Variants in SLC39A14 observed in about 807,000 individuals in gnomAD.
The protein encoded by SLC39A14 is metal cation symporter ZIP14.
In SLC39A14, 19 loss-of-function variants were observed where a neutral mutation model predicts 45.5. The observed-to-expected ratio is 0.42, with a 90% CI of 0.29 to 0.61. SLC39A14 has a LOEUF of 0.61. SLC39A14 is among the 20% of genes least tolerant of loss of function. The probability of loss-of-function intolerance (pLI) is 0.22; values close to 1 mark genes in which losing one functional copy is unlikely to be tolerated. For missense variants in SLC39A14, 447 were observed against 616.5 expected (o/e 0.73, Z 2.91); for synonymous variants, 264 against 251.3 (o/e 1.05, Z -0.48).
In SLC39A14 at chr8:22,421,362, A is replaced by G; in HGVS notation, c.*1664A>G. 1.0e-5 allele frequency: 10 copies of G among 985,902 alleles called. No homozygotes were observed. Among genetic ancestry groups the G allele is most frequent in the Non-Finnish European group, 1.2e-5 (10 of 829,948 alleles). 61.1% of individuals were successfully genotyped at this position (985,902 alleles called of 1,614,324 possible). A position where few individuals can be genotyped will look rare whatever the true frequency, so the allele number is the denominator to read the frequency against. On this transcript the variant is annotated 3_prime_UTR_variant, in exon 9 of 9. Coordinates refer to ENST00000381237, the MANE Select transcript of SLC39A14 (RefSeq NM_001128431.4). ...ATTCTTGAAAAGAACGTGAGCAGGA[A>G]AAACTGCTGGTGATACTTTTTTTAA...
chr8:22,368,597 C>CTT (rs1832770500), intron 1 of SLC39A14, among the ~76,000 whole-genome samples: 1 of 151,926 alleles, frequency 6.6e-6, no homozygotes, highest in African/African-American at 2.4e-5. Context: ...AGTGCAGTGG[C>CTT]GCGATCTCGG....
intron 1 of SLC39A14, among the ~76,000 whole-genome samples, chr8:22,383,672 A>C (rs1468872568): frequency 2.0e-5 from 3 of 152,104 alleles, no homozygotes. Context: ...CCCTACCAGG[A>C]AACAGAGATG....
intron 1 of SLC39A14, among the ~76,000 whole-genome samples, chr8:22,375,729 C>G (rs1334155975): frequency 6.6e-6 from 1 of 152,196 alleles, no homozygotes; most frequent in Non-Finnish European, 1.5e-5. Context: ...CTCAGGTGAT[C>G]TACCCGCCTT....
rs180714260 is a variant in SLC39A14, at chr8:22,431,649, A to G, written c.1333-2242A>G. 3.3e-5 allele frequency among the ~76,000 whole-genome samples: 5 copies of G among 152,358 alleles called. No individual in the cohort carries two copies. In the East Asian group the frequency reaches 9.6e-4, roughly 29 times the overall value. The stretch of plus-strand genomic sequence containing the variant: ...AAGAAGGAAACCCAGATTTGAAGAA[A>G]TGTGTAGAAATGATAGTTAAACATG... On this transcript the variant is annotated intron_variant, in intron 8 of 8. Coordinates refer to the SLC39A14 transcript ENST00000240095.
At chr8:22,423,497 A>G (rs1054468226), downstream of SLC39A14, among the ~76,000 whole-genome samples, 9 of 151,776 alleles carry the variant, frequency 5.9e-5, no homozygotes, top group South Asian at 2.1e-4. Flanking sequence ...CACCACGCCC[A>G]GCTAATTTTT....
In SLC39A14 at chr8:22,404,462, GT is replaced by G. The variant is rs61222646; in HGVS notation, c.-15-221del. 59,337 of 219,734 alleles carry G rather than the reference GT, an allele frequency of 0.27. 6,143 individuals are homozygous for G. Among genetic ancestry groups the G allele is most frequent in the East Asian group, 0.46 (5,208 of 11,356 alleles). The allele number at this position is 219,734 out of a possible 1,614,324, so 13.6% of individuals were successfully genotyped here. ...AAAAATCATAACCGCATTGCTGTTT[GT>G]TTTTTTTTTTTTCATTTTTCAATCT... On this transcript the variant is annotated intron_variant, in intron 1 of 8. Transcript: ENST00000381237.
intron 8 of SLC39A14, 74 bp from the exon 9 acceptor site, chr8:22,419,478 C>G (rs1836095911): frequency 7.0e-7 from 1 of 1,424,982 alleles, no homozygotes; most frequent in African/African-American, 1.4e-5. Context: ...ATCTATATCT[C>G]CATCACTGAA....
chr8:22,412,061 T>G lies in SLC39A14; in HGVS notation c.482T>G (p.Val161Gly). Residue 161 changes from valine (V) to glycine (G), a missense_variant, in exon 4 of 9, where the codon GTG becomes GGG. Physicochemically the swap from Val to Gly is moderately radical, Grantham distance 109. This residue lies in a region of SLC39A14 where 342 missense variants were observed against 428.1 expected (regional missense o/e 0.80). Transcript: ENST00000381237. ...VEVWGYGLLC[V>G]TVISLCSLLG... The stretch of plus-strand genomic sequence containing the variant: ...GTGTGGGGATACGGTCTCCTCTGTG[T>G]GACCGTCATCTCCCTCTGCTCCCTC... 6.4e-7 allele frequency: 1 copy of G among 1,551,532 alleles called. No homozygotes were observed. The highest frequency in any genetic ancestry group is 1.2e-5 in the South Asian group (1 of 84,064).
chr8:22,396,268 G>A (rs1397360505), intron 1 of SLC39A14, among the ~76,000 whole-genome samples: 2 of 151,446 alleles, frequency 1.3e-5, no homozygotes, highest in Non-Finnish European at 2.9e-5. Flanking sequence ...TCAGGAGGCC[G>A]AGGCAGGAGA....
intron 1 of SLC39A14, 138 bp from the exon 2 acceptor site, chr8:22,404,558 A>T (rs1249802419): frequency 1.4e-6 from 1 of 731,364 alleles, no homozygotes; most frequent in Non-Finnish European, 2.2e-6. Flanking sequence ...GGTTTTTCTC[A>T]AAGGCTAATT....
At chr8:22,419,505 A>C (rs200275913) in intron 8 of SLC39A14, 47 bp from the exon 9 acceptor site, 158 of 1,563,138 alleles carry the variant, frequency 1.0e-4, no homozygotes, top group Non-Finnish European at 1.3e-4. Context: ...TGGACTTACA[A>C]GATGAAGAAG....
chr8:22,381,329 C>T (rs1170897309), intron 1 of SLC39A14, among the ~76,000 whole-genome samples: 2 of 150,540 alleles, frequency 1.3e-5, no homozygotes, highest in Admixed American at 6.6e-5. Context: ...GACTGGAGTG[C>T]GGTGGGGCTA....
intron 1 of SLC39A14, among the ~76,000 whole-genome samples, chr8:22,397,793 C>A (rs1019965360): frequency 6.6e-6 from 1 of 152,116 alleles, no homozygotes; most frequent in South Asian, 2.1e-4. Context: ...TCAGGCTCAG[C>A]GGTCACAGCC....
intron 3 of SLC39A14, among the ~76,000 whole-genome samples, chr8:22,410,879 C>T (rs1303689267): frequency 2.0e-5 from 3 of 152,202 alleles, no homozygotes; most frequent in Non-Finnish European, 2.9e-5. Context: ...GGTGAGGATA[C>T]GCAGACGTGT....
At position 22,371,414 on chromosome 8, in the gene SLC39A14, C is replaced by CTTTTTTT. The variant is rs373230777; in HGVS notation, c.-16+4037_-16+4043dup. 1.8e-3 allele frequency among the ~76,000 whole-genome samples: 220 copies of CTTTTTTT among 120,074 alleles called. 50 individuals carry two copies. The highest frequency in any genetic ancestry group is 4.9e-3 in the Middle Eastern group (1 of 204). 78.8% of individuals were successfully genotyped at this position (120,074 alleles called of 152,430 possible). On this transcript the variant is annotated intron_variant, in intron 1 of 8. Coordinates refer to ENST00000381237, the MANE Select transcript of SLC39A14 (RefSeq NM_001128431.4). ...GGATATCTAAAAAAAAAATACATGTCTTTTTTTTTTTTTTTTTTTTTTTTT... is the reference window on the plus strand; with the variant it reads ...GGATATCTAAAAAAAAAATACATGTCTTTTTTTTTTTTTTTTTTTTTTTTTTTTTTTT...
chr8:22,371,621 C>T (rs1177557926), intron 1 of SLC39A14, among the ~76,000 whole-genome samples: 2 of 151,412 alleles, frequency 1.3e-5, no homozygotes, highest in Non-Finnish European at 2.9e-5. Context: ...TTAGTAGAGA[C>T]GGGGTTTCAC....
In SLC39A14 at chr8:22,422,315, T is replaced by C. The variant is rs1379730005; in HGVS notation, c.*2617T>C. 1 of 985,782 alleles carries C rather than the reference T, an allele frequency of 1.0e-6. No individual in the cohort carries two copies. The highest frequency in any genetic ancestry group is 1.7e-5 in the African/African-American group (1 of 57,372). The allele number at this position is 985,782 out of a possible 1,614,324, so 61.1% of individuals were successfully genotyped here. On this transcript the variant is annotated 3_prime_UTR_variant, in exon 9 of 9. Coordinates refer to ENST00000381237, the MANE Select transcript of SLC39A14 (RefSeq NM_001128431.4). ...ACCACCGGCACACAGCTTGCCCCTG[T>C]CTTTGCCCCCAAAGGTATTTTGTGT...
intron 1 of SLC39A14, among the ~76,000 whole-genome samples, chr8:22,402,882 A>G (rs1187355517): frequency 6.6e-6 from 1 of 152,118 alleles, no homozygotes; most frequent in Non-Finnish European, 1.5e-5. Context: ...TTTGTTTACT[A>G]ATTTGTACAG....
Position 22,408,350 on chromosome 8 carries a change from G to T in SLC39A14, c.311G>T (p.Ser104Ile). 6.2e-7 allele frequency: 1 copy of T among 1,614,220 alleles called. No homozygotes were observed. The highest frequency in any genetic ancestry group is 8.5e-7 in the Non-Finnish European group (1 of 1,180,042). Residue 104 changes from serine to isoleucine, a missense_variant, in exon 3 of 9, where the codon AGC (serine) becomes ATC (isoleucine). Around this residue, in one of 2 missense-constraint regions of SLC39A14, gnomAD observed 342 missense variants for 428.1 expected, o/e 0.80. Coordinates refer to ENST00000381237, the MANE Select transcript of SLC39A14 (RefSeq NM_001128431.4). ...GACCTCTTCACTGCCCACAATTTCA[G>T]CGAGCAGTCGCGGATTGGGAGCAGC... ...SGDLFTAHNF[S>I]EQSRIGSSEL... is the part of the protein sequence containing the mutation.
Sources: gnomAD v4.1 joint callset for allele counts (sites outside exome capture counted in the v4.1 genomes callset) on GRCh38, gnomAD v4.1.1 for gene constraint, gnomAD v4.1.1 regional missense constraint, MANE v1.5 for transcripts, NCBI Gene and HGNC (gene_info 2026-07-23, HGNC 2026-07-21) for gene names.